KAZN: variants seen among roughly 807,000 people sequenced by gnomAD.
KAZN encodes kazrin.
KAZN carries 40 observed loss-of-function variants against 87.4 expected under a neutral mutation model. The ratio of observed to expected loss-of-function variants is 0.46; its 90% CI spans 0.36 to 0.60. The LOEUF (loss-of-function observed/expected upper bound fraction) is 0.60, where lower values mean the gene tolerates loss of function less well. KAZN is among the 20% of genes least tolerant of loss of function. The pLI, the probability that KAZN is intolerant of heterozygous loss-of-function variation, is 0.00. For synonymous variants in KAZN, 466 were observed against 458.3 expected (o/e 1.02, Z -0.22); for missense variants, 898 against 1,073.9 (o/e 0.84, Z 2.29).
Position 14,413,619 on chromosome 1 carries a change from A to AC in KAZN, c.250-185363dup, listed in dbSNP as rs1275682902. Among the ~76,000 whole-genome samples, 14 of 140,512 alleles carry AC rather than the reference A, an allele frequency of 1.0e-4. 1 individual carries two copies. Among genetic ancestry groups the AC allele is most frequent in the African/African-American group, 3.4e-4 (13 of 38,108 alleles). The allele number at this position is 140,512 out of a possible 152,430, so 92.2% of individuals were successfully genotyped here. Reference sequence around the variant, plus strand: ...AAAAAAAAAAAAAAAAAAAAAAAAAACGCATTTAAGAGAAAATATAGGAAG... The same window carrying AC: ...AAAAAAAAAAAAAAAAAAAAAAAAAACCGCATTTAAGAGAAAATATAGGAAG... On this transcript the variant is annotated intron_variant, in intron 2 of 16. Transcript: ENST00000636203.
chr1:14,571,630 C>T (rs1455405536), intron 2 of KAZN, among the ~76,000 whole-genome samples: 1 of 152,174 alleles, frequency 6.6e-6, no homozygotes, highest in Admixed American at 6.5e-5. Flanking sequence ...GGAGCGCCCC[C>T]ACTCCATCCC....
At chr1:14,134,553 G>T (rs1265840228) in intron 1 of KAZN, among the ~76,000 whole-genome samples, 1 of 152,154 alleles carries the variant, frequency 6.6e-6, no homozygotes, top group East Asian at 1.9e-4. Flanking sequence ...GGTGCTCTTG[G>T]CTATTATCCT....
At chr1:14,484,418 A>G (rs914416276) in intron 2 of KAZN, among the ~76,000 whole-genome samples, 2 of 152,242 alleles carry the variant, frequency 1.3e-5, no homozygotes, top group Non-Finnish European at 2.9e-5. Context: ...AGTCCACAAT[A>G]TATTCGTGTT....
At chr1:14,643,322 A>T (rs540501103) in intron 1 of KAZN, among the ~76,000 whole-genome samples, 47 of 151,492 alleles carry the variant, frequency 3.1e-4, no homozygotes, top group African/African-American at 1.1e-3. Flanking sequence ...CCCTCCTCCC[A>T]CCCTCCACCT....
At chr1:14,037,318 T>A (rs1235776879) in intron 1 of KAZN, among the ~76,000 whole-genome samples, 1 of 152,186 alleles carries the variant, frequency 6.6e-6, no homozygotes, top group African/African-American at 2.4e-5. Flanking sequence ...CCCTCTCCGT[T>A]TGCCCTTACT....
chr1:13,936,096 G>GTTTTTTTT lies in KAZN; in HGVS notation c.91+42348_91+42355dup, dbSNP rs70984301. Among the ~76,000 whole-genome samples the GTTTTTTTT allele has an allele frequency of 1.0e-3, 88 of 84,828 alleles. 14 individuals carry two copies. The East Asian group carries it at 0.018, about 17-fold the overall frequency. The allele number at this position is 84,828 out of a possible 152,430, so 55.7% of individuals were successfully genotyped here. A position where few individuals can be genotyped will look rare whatever the true frequency, so the allele number is the denominator to read the frequency against. ...TATAGATTTAGGTGGTACAAGTGCA[G>GTTTTTTTT]TTTTTTTTTTTTTTTGAGACAGAGT... is the stretch of plus-strand genomic sequence containing the variant. On this transcript the variant is annotated intron_variant, in intron 1 of 16. Coordinates refer to the KAZN transcript ENST00000636203.
chr1:14,723,152 A>T (rs1643203328), intron 1 of KAZN, among the ~76,000 whole-genome samples: 2 of 151,902 alleles, frequency 1.3e-5, no homozygotes, highest in Non-Finnish European at 2.9e-5. Context: ...TAAAAATAAA[A>T]TCTCCATTTC....
At chr1:14,329,035 T>C (rs77580667) in intron 2 of KAZN, among the ~76,000 whole-genome samples, 4,609 of 152,274 alleles carry the variant, frequency 0.03, 251 homozygotes, top group African/African-American at 0.11. Context: ...CAAATTTTAA[T>C]GATTCAGGTG....
chr1:14,704,752 A>G (rs1001518360), intron 1 of KAZN, among the ~76,000 whole-genome samples: 7 of 152,180 alleles, frequency 4.6e-5, no homozygotes, highest in African/African-American at 1.4e-4. Context: ...TACAAATGAC[A>G]TCGGGGTTCA....
At position 15,104,209 on chromosome 1, in the gene KAZN, C is replaced by T; in HGVS notation, c.2048+20C>T. ...AGCCAAGTGAGCACGGGCTGGGATC[C>T]AGTCATGTGGGCTGCTGGGTACAGT... On this transcript the variant is annotated intron_variant, in intron 13 of 14. Coordinates refer to ENST00000376030, the MANE Select transcript of KAZN (RefSeq NM_201628.3). 18 of 1,556,004 alleles carry T rather than the reference C, an allele frequency of 1.2e-5. No individual in the cohort carries two copies. The highest frequency in any genetic ancestry group is 1.6e-5 in the Non-Finnish European group (18 of 1,149,884).
At chr1:14,679,329 A>G (rs1278753557) in intron 1 of KAZN, among the ~76,000 whole-genome samples, 1 of 152,020 alleles carries the variant, frequency 6.6e-6, no homozygotes, top group Non-Finnish European at 1.5e-5. Context: ...AAGTACACCA[A>G]GTAAGTTTAG....
chr1:14,063,977 T>A (rs1396545058), intron 1 of KAZN, among the ~76,000 whole-genome samples: 11 of 152,086 alleles, frequency 7.2e-5, no homozygotes. Flanking sequence ...AGTGCAATGG[T>A]GTGATCTCGG....
At chr1:14,915,617 AGAGGTGACT>A (rs1161817176) in intron 1 of KAZN, among the ~76,000 whole-genome samples, 1 of 152,226 alleles carries the variant, frequency 6.6e-6, no homozygotes. Context: ...TGAAGAATGA[AGAGGTGACT>A]GTTCCCCGCT....
chr1:14,256,013 C>T (rs1253037489), intron 2 of KAZN, among the ~76,000 whole-genome samples: 1 of 152,192 alleles, frequency 6.6e-6, no homozygotes, highest in Non-Finnish European at 1.5e-5. Flanking sequence ...TGGAGACTCT[C>T]TGTCGCAGCT....
At chr1:14,815,383 C>G (rs1322303470) in intron 1 of KAZN, among the ~76,000 whole-genome samples, 2 of 152,170 alleles carry the variant, frequency 1.3e-5, no homozygotes, top group African/African-American at 4.8e-5. Flanking sequence ...AAACACTAGA[C>G]TTAAGCACTT....
chr1:14,409,801 A>G (rs1486277554), intron 2 of KAZN, among the ~76,000 whole-genome samples: 1 of 152,220 alleles, frequency 6.6e-6, no homozygotes, highest in East Asian at 1.9e-4. Flanking sequence ...TCCCAATAAA[A>G]GAACTATCTG....
At chr1:13,996,438 T>C (rs1260738847) in intron 1 of KAZN, among the ~76,000 whole-genome samples, 1 of 152,078 alleles carries the variant, frequency 6.6e-6, no homozygotes, top group African/African-American at 2.4e-5. Flanking sequence ...CCTAACACAC[T>C]AAGCTCCCTG....
intron 2 of KAZN, among the ~76,000 whole-genome samples, chr1:14,267,350 G>A (rs1199453637): frequency 2.3e-5 from 3 of 128,972 alleles, no homozygotes; most frequent in Non-Finnish European, 4.7e-5. Flanking sequence ...ACTAACAATA[G>A]CCGATAAGCA....
intron 2 of KAZN, among the ~76,000 whole-genome samples, chr1:15,004,455 A>T (rs1165536015): frequency 6.6e-6 from 1 of 152,224 alleles, no homozygotes; most frequent in Non-Finnish European, 1.5e-5. Context: ...AGCTGTTACC[A>T]TCTTGGACAA....
Sources: gnomAD v4.1 joint callset for allele counts (sites outside exome capture counted in the v4.1 genomes callset) on GRCh38, gnomAD v4.1.1 for gene constraint, MANE v1.5 for transcripts, NCBI Gene and HGNC (gene_info 2026-07-23, HGNC 2026-07-21) for gene names.